The following JAZF1 variants were observed in gnomAD, a reference collection of about 807,000 sequenced individuals.
JAZF1 encodes juxtaposed with another zinc finger protein 1.
In JAZF1, 8 loss-of-function variants were observed where a neutral mutation model predicts 26.4. The observed-to-expected ratio is 0.30, with a 90% CI of 0.18 to 0.55. The LOEUF is 0.55. JAZF1 is among the 20% of genes least tolerant of loss of function. The pLI, the probability that JAZF1 is intolerant of heterozygous loss-of-function variation, is 0.94. For missense variants in JAZF1, 199 were observed against 322.0 expected (o/e 0.62, Z 2.92); for synonymous variants, 126 against 122.3 (o/e 1.03, Z -0.20).
At chr7:28,137,337 C>T (rs540114311) in intron 1 of JAZF1, among the ~76,000 whole-genome samples, 5 of 152,272 alleles carry the variant, frequency 3.3e-5, no homozygotes, top group African/African-American at 9.6e-5. Context: ...ACCAGAGGCA[C>T]GGAGACCAGT....
chr7:28,082,383 C>T (rs1196475778), intron 1 of JAZF1, among the ~76,000 whole-genome samples: 1 of 152,192 alleles, frequency 6.6e-6, no homozygotes, highest in Non-Finnish European at 1.5e-5. Flanking sequence ...CCCGCCTCTG[C>T]CCGTTCACTC....
intron 1 of JAZF1, among the ~76,000 whole-genome samples, chr7:28,089,099 A>G (rs1017865945): frequency 6.6e-6 from 1 of 152,268 alleles, no homozygotes; most frequent in Non-Finnish European, 1.5e-5. Flanking sequence ...GGAAAATAAT[A>G]AAACAGAAAC....
At chr7:28,117,896 T>C (rs780166161) in intron 1 of JAZF1, among the ~76,000 whole-genome samples, 4 of 152,176 alleles carry the variant, frequency 2.6e-5, no homozygotes, top group Non-Finnish European at 5.9e-5. Flanking sequence ...CACTATTAAT[T>C]TGTTTAAAAA....
At position 28,072,284 on chromosome 7, in the gene JAZF1, A is replaced by G. The variant is rs79578445; in HGVS notation, c.116-80303T>C. On this transcript the variant is annotated intron_variant, in intron 1 of 4. Coordinates refer to ENST00000283928, the MANE Select transcript of JAZF1 (RefSeq NM_175061.4). ...TAAAACTGACTTGAAACAAACTTCT[A>G]TAATCAACTTCCCACAACCCACTGA... Among the ~76,000 whole-genome samples, 524 of 152,350 alleles carry G rather than the reference A, an allele frequency of 3.4e-3. 4 individuals are homozygous for G. The highest frequency in any genetic ancestry group is 5.3e-3 in the Non-Finnish European group (359 of 68,020).
intron 3 of JAZF1, among the ~76,000 whole-genome samples, chr7:27,851,722 C>T (rs1783154004): frequency 6.6e-6 from 1 of 152,156 alleles, no homozygotes; most frequent in African/African-American, 2.4e-5. Context: ...AAACGAATCA[C>T]ACCAATGATC....
intron 3 of JAZF1, among the ~76,000 whole-genome samples, chr7:27,862,255 T>C (rs1446740001): frequency 1.3e-5 from 2 of 152,178 alleles, no homozygotes; most frequent in African/African-American, 2.4e-5. Flanking sequence ...ACATGCAGGT[T>C]TGTATATTGT....
At chr7:28,036,066 G>A (rs1200329376) in intron 1 of JAZF1, among the ~76,000 whole-genome samples, 2 of 152,160 alleles carry the variant, frequency 1.3e-5, no homozygotes, top group Non-Finnish European at 2.9e-5. Context: ...TGAGATGATT[G>A]CCAAGGACCT....
chr7:28,102,367 G>A (rs1347642758), intron 1 of JAZF1, among the ~76,000 whole-genome samples: 19 of 152,184 alleles, frequency 1.2e-4, no homozygotes, highest in Admixed American at 1.1e-3. Context: ...TGGCGATAGC[G>A]CCCAGAGCAT....
intron 1 of JAZF1, among the ~76,000 whole-genome samples, chr7:28,046,236 G>C (rs566315129): frequency 6.6e-6 from 1 of 152,294 alleles, no homozygotes; most frequent in African/African-American, 2.4e-5. Context: ...CATTTTTACT[G>C]ATGGGCAAAC....
chr7:27,881,002 C>G (rs1361956527), intron 3 of JAZF1, among the ~76,000 whole-genome samples: 1 of 152,198 alleles, frequency 6.6e-6, no homozygotes, highest in Non-Finnish European at 1.5e-5. Flanking sequence ...ATTTACTTGG[C>G]AAGTACTGCG....
chr7:28,140,405 C>T (rs1328984525), intron 1 of JAZF1, among the ~76,000 whole-genome samples: 1 of 151,876 alleles, frequency 6.6e-6, no homozygotes, highest in Non-Finnish European at 1.5e-5. Context: ...TCTAAGTAGC[C>T]CAGAAAACAG....
At chr7:27,985,578 A>T (rs1485900420) in intron 2 of JAZF1, among the ~76,000 whole-genome samples, 3 of 152,258 alleles carry the variant, frequency 2.0e-5, no homozygotes, top group Admixed American at 6.5e-5. Context: ...ATAGAAAAAG[A>T]GGGAATCCTC....
At chr7:28,120,156 T>C (rs574273956) in intron 1 of JAZF1, among the ~76,000 whole-genome samples, 56 of 139,274 alleles carry the variant, frequency 4.0e-4, no homozygotes, top group African/African-American at 1.4e-3. Context: ...AAAGTACTTA[T>C]GGTTTTCATT....
intron 1 of JAZF1, among the ~76,000 whole-genome samples, chr7:28,043,595 T>G (rs968162311): frequency 2.6e-5 from 4 of 152,118 alleles, no homozygotes. Flanking sequence ...CCTCACAAAG[T>G]TGAACGTAGA....
intron 1 of JAZF1, among the ~76,000 whole-genome samples, chr7:28,019,325 T>G (rs566504366): frequency 1.3e-5 from 2 of 152,316 alleles, no homozygotes; most frequent in East Asian, 3.9e-4. Flanking sequence ...AAGCATAATC[T>G]TACCGTGTCT....
intron 1 of JAZF1, among the ~76,000 whole-genome samples, chr7:27,998,682 T>TA (rs1161634828): frequency 6.6e-6 from 1 of 152,214 alleles, no homozygotes; most frequent in East Asian, 1.9e-4. Context: ...GTTAAATATC[T>TA]AAAAGTCAGG....
At chr7:27,993,449 G>A (rs1469792227) in intron 1 of JAZF1, among the ~76,000 whole-genome samples, 2 of 152,158 alleles carry the variant, frequency 1.3e-5, no homozygotes, top group Admixed American at 6.5e-5. Context: ...GTTTTCAAAC[G>A]TAACTCTTAC....
chr7:27,852,030 C>A (rs1392478438), intron 3 of JAZF1, among the ~76,000 whole-genome samples: 2 of 151,098 alleles, frequency 1.3e-5, no homozygotes, highest in Non-Finnish European at 2.9e-5. Context: ...GATGCTTGGT[C>A]AGTATGCAGT....
At chr7:27,856,633 G>A (rs972829663) in intron 3 of JAZF1, among the ~76,000 whole-genome samples, 3 of 152,136 alleles carry the variant, frequency 2.0e-5, no homozygotes, top group Admixed American at 2.0e-4. Flanking sequence ...AGACACAAAA[G>A]TTCTCCATGT....
Sources: allele counts gnomAD v4.1 joint callset (sites outside exome capture counted in the v4.1 genomes callset), GRCh38; gene constraint gnomAD v4.1.1; transcripts MANE v1.5; gene names NCBI Gene and HGNC (gene_info 2026-07-23, HGNC 2026-07-21).